The following RYR2 variants were observed in gnomAD, a reference collection of about 807,000 sequenced individuals.
RYR2 encodes the protein ryanodine receptor 2.
Under a neutral mutation model 601.1 loss-of-function variants are expected in RYR2, and 227 were observed. The ratio of observed to expected loss-of-function variants is 0.38; its 90% CI spans 0.34 to 0.42. RYR2 has a LOEUF of 0.42. Among genes scored for constraint, RYR2 ranks in the 10% least tolerant of loss-of-function variants. The probability of loss-of-function intolerance (pLI) is 1.00; values close to 1 mark genes in which losing one functional copy is unlikely to be tolerated. For missense variants in RYR2, 4,646 were observed against 6,156.5 expected, an observed-to-expected ratio of 0.75 and a Z score of 8.21; for synonymous variants, 2,223 against 2,175.1, an observed-to-expected ratio of 1.02 and a Z score of -0.61.
Position 237,649,881 on chromosome 1 carries a change from C to A in RYR2, c.7517C>A (p.Ala2506Asp). ...LRAAASLDTA[A>D]LSATDMALAL... Reference sequence around the variant, plus strand: ...TACTCTCTGATTCTTTTTCAGGCAGCTTTGAGTGCTACAGACATGGCCTTG... The same window carrying A: ...TACTCTCTGATTCTTTTTCAGGCAGATTTGAGTGCTACAGACATGGCCTTG... The change falls in exon 50 of 105, where the codon GCT (alanine) becomes GAT (aspartate). Residue 2506 changes from alanine to aspartate, a missense_variant. Physicochemically the swap from Ala to Asp is moderately radical, Grantham distance 126. Coordinates refer to ENST00000366574, the MANE Select transcript of RYR2 (RefSeq NM_001035.3). 2 of 1,613,112 alleles carry A rather than the reference C, an allele frequency of 1.2e-6. No homozygotes were observed. The highest frequency in any genetic ancestry group is 1.7e-6 in the Non-Finnish European group (2 of 1,179,412).
At chr1:237,115,235 C>A (rs1043749587) in intron 1 of RYR2, among the ~76,000 whole-genome samples, 1 of 119,656 alleles carries the variant, frequency 8.4e-6, no homozygotes, top group African/African-American at 2.7e-5. Flanking sequence ...GTGGAAACCA[C>A]ACCCCCCCCC....
intron 3 of RYR2, among the ~76,000 whole-genome samples, chr1:237,332,789 T>C (rs542142715): frequency 4.6e-5 from 7 of 152,346 alleles, no homozygotes; most frequent in Admixed American, 2.6e-4. Context: ...ATCATGAGGT[T>C]GGGCTGGGCA....
chr1:237,479,479 C>T (rs1661791230), intron 17 of RYR2, among the ~76,000 whole-genome samples: 1 of 152,030 alleles, frequency 6.6e-6, no homozygotes. Flanking sequence ...ATTGATGTAA[C>T]GATGAAGCTG....
chr1:237,706,472 C>CG (rs1688388160), intron 67 of RYR2, among the ~76,000 whole-genome samples: 1 of 152,028 alleles, frequency 6.6e-6, no homozygotes, highest in Admixed American at 6.6e-5. Flanking sequence ...TTCCTGAGGA[C>CG]GGAGAGTGCC....
At chr1:237,316,368 G>T (rs1298638517) in intron 2 of RYR2, among the ~76,000 whole-genome samples, 3 of 152,028 alleles carry the variant, frequency 2.0e-5, no homozygotes, top group Admixed American at 6.6e-5. Flanking sequence ...ATCTGTTATT[G>T]TTACGATACA....
chr1:237,436,453 C>CCTTTTTTTTTTTTTTTTTT (rs1707366923), intron 12 of RYR2, among the ~76,000 whole-genome samples: 2 of 55,830 alleles, frequency 3.6e-5, no homozygotes, highest in African/African-American at 1.1e-4. Flanking sequence ...GTGTGATTTT[C>CCTTTTTTTTTTTTTTTTTT]CTTTTTTTTT....
At chr1:237,349,550 T>A (rs1698581767) in intron 3 of RYR2, among the ~76,000 whole-genome samples, 1 of 152,188 alleles carries the variant, frequency 6.6e-6, no homozygotes, top group East Asian at 1.9e-4. Flanking sequence ...ATAATCGTAT[T>A]AATGCCTTGT....
At chr1:237,409,984 CAA>C (rs1313751855) in intron 10 of RYR2, among the ~76,000 whole-genome samples, 1 of 151,800 alleles carries the variant, frequency 6.6e-6, no homozygotes, top group African/African-American at 2.4e-5. Flanking sequence ...TTTTTCTTGA[CAA>C]AAAATGAAAC....
At chr1:237,215,753 A>G (rs1379241811) in intron 1 of RYR2, among the ~76,000 whole-genome samples, 1 of 152,180 alleles carries the variant, frequency 6.6e-6, no homozygotes, top group Non-Finnish European at 1.5e-5. Context: ...AAGCTTCTCT[A>G]TAAATTCATG....
intron 17 of RYR2, among the ~76,000 whole-genome samples, chr1:237,472,740 G>C (rs1660874053): frequency 6.6e-6 from 1 of 151,282 alleles, no homozygotes; most frequent in Non-Finnish European, 1.5e-5. Context: ...AGGAAAGAAG[G>C]GGCAAAAACC....
chr1:237,291,923 T>C (rs991353213), intron 2 of RYR2, among the ~76,000 whole-genome samples: 5 of 152,200 alleles, frequency 3.3e-5, no homozygotes, highest in Non-Finnish European at 5.9e-5. Context: ...CTTTGGGGGA[T>C]AGTGATACCT....
chr1:237,247,311 T>C (rs1042037062), intron 1 of RYR2, among the ~76,000 whole-genome samples: 26 of 152,332 alleles, frequency 1.7e-4, no homozygotes, highest in African/African-American at 6.3e-4. Flanking sequence ...AGCTACACTT[T>C]TCTTGTCATT....
At chr1:237,351,771 A>G (rs1464769425) in intron 3 of RYR2, among the ~76,000 whole-genome samples, 4 of 150,856 alleles carry the variant, frequency 2.7e-5, no homozygotes, top group Non-Finnish European at 4.4e-5. Context: ...CAATAATACC[A>G]ATCTTAAACT....
chr1:237,443,492 ATAAC>A lies in RYR2; in HGVS notation c.1171-1905_1171-1902del, dbSNP rs1708089635. On this transcript the variant is annotated intron_variant, in intron 13 of 104. Transcript: ENST00000366574. ...TTGTGTCTTTTAACTTGTTGATAAA[ATAAC>A]TAAGTTACCAGACCTCCAATTATTA... Among the ~76,000 whole-genome samples, 4 of 152,348 alleles carry A rather than the reference ATAAC, an allele frequency of 2.6e-5. No individual in the cohort carries two copies. In the South Asian group the frequency reaches 6.2e-4, roughly 24 times the overall value.
At chr1:237,418,960 G>A (rs982321563) in intron 11 of RYR2, among the ~76,000 whole-genome samples, 6 of 126,594 alleles carry the variant, frequency 4.7e-5, no homozygotes, top group African/African-American at 2.4e-4. Context: ...GACTTCTAAG[G>A]CAAACAAAGG....
chr1:237,482,091 T>C lies in RYR2; in HGVS notation c.1709-9715T>C, dbSNP rs144192431. Among the ~76,000 whole-genome samples the C allele has an allele frequency of 2.0e-3, 306 of 152,224 alleles. 2 individuals carry two copies. The highest frequency in any genetic ancestry group is 7.1e-3 in the African/African-American group (295 of 41,536). Reference sequence around the variant, plus strand: ...TAGGTGTATATACTCATGGGACACATGAGATGTTTTGATACAGGCATGCAA... The same window carrying C: ...TAGGTGTATATACTCATGGGACACACGAGATGTTTTGATACAGGCATGCAA... On this transcript the variant is annotated intron_variant, in intron 17 of 104. Transcript: ENST00000366574.
intron 67 of RYR2, among the ~76,000 whole-genome samples, chr1:237,705,989 G>A (rs1185296314): frequency 1.3e-5 from 2 of 152,120 alleles, no homozygotes; most frequent in Non-Finnish European, 2.9e-5. Flanking sequence ...AGTGGCTCAT[G>A]CCTGTAATCC....
chr1:237,288,571 G>A (rs1428203684), intron 2 of RYR2, among the ~76,000 whole-genome samples: 3 of 151,996 alleles, frequency 2.0e-5, no homozygotes, highest in Non-Finnish European at 2.9e-5. Flanking sequence ...GCTGAGTCAT[G>A]CAGGTTGTCA....
intron 63 of RYR2, among the ~76,000 whole-genome samples, chr1:237,691,637 A>T (rs745532012): frequency 1.3e-5 from 2 of 152,222 alleles, no homozygotes; most frequent in African/African-American, 2.4e-5. Context: ...CATTTAAACC[A>T]TTTTATGTTA....
Sources: gnomAD v4.1 joint callset for allele counts (sites outside exome capture counted in the v4.1 genomes callset) on GRCh38, gnomAD v4.1.1 for gene constraint, MANE v1.5 for transcripts, NCBI Gene and HGNC (gene_info 2026-07-23, HGNC 2026-07-21) for gene names.